Variants in ZFYVE26 observed in about 807,000 individuals in gnomAD.
ZFYVE26 encodes the protein zinc finger FYVE domain-containing protein 26.
In ZFYVE26, 181 loss-of-function variants were observed where a neutral mutation model predicts 276.5. The observed-to-expected ratio is 0.65, with a 90% confidence interval of 0.58 to 0.74. The LOEUF (loss-of-function observed/expected upper bound fraction) is 0.74, where lower values mean the gene tolerates loss of function less well. Ranked by LOEUF, ZFYVE26 falls within the 30% of genes least tolerant of loss-of-function variation. The pLI, the probability that ZFYVE26 is intolerant of heterozygous loss-of-function variation, is 0.00. For missense variants in ZFYVE26, 2,821 were observed against 3,097.9 expected (o/e 0.91, Z 2.12); for synonymous variants, 1,129 against 1,203.1 (o/e 0.94, Z 1.27).
intron 23 of ZFYVE26, 170 bp from the exon 24 acceptor site, chr14:67,778,418 AC>A: frequency 1.3e-6 from 1 of 784,836 alleles, no homozygotes; most frequent in Non-Finnish European, 2.0e-6. Context: ...TCTTAGCACT[AC>A]CATAAAAAAA....
At chr14:67,779,185 T>C (rs1416745479) in intron 23 of ZFYVE26, among the ~76,000 whole-genome samples, 1 of 152,186 alleles carries the variant, frequency 6.6e-6, no homozygotes, top group Non-Finnish European at 1.5e-5. Flanking sequence ...TGAACAGATA[T>C]TCAAATTTAT....
chr14:67,809,129 T>G, intron 4 of ZFYVE26, 71 bp downstream of exon 4: 1 of 1,321,330 alleles, frequency 7.6e-7, no homozygotes, highest in Non-Finnish European at 1.1e-6. Context: ...CTCTCTCTTC[T>G]GGGTCCATGG....
chr14:67,810,293 C>A (rs1242252967), intron 3 of ZFYVE26, among the ~76,000 whole-genome samples: 2 of 152,296 alleles, frequency 1.3e-5, no homozygotes, highest in East Asian at 1.9e-4. Context: ...GTATGGCCCA[C>A]ATGATCCTCT....
At chr14:67,740,249 GTTAC>G (rs1163937477) in intron 13 of ZFYVE26, among the ~76,000 whole-genome samples, 1 of 151,980 alleles carries the variant, frequency 6.6e-6, no homozygotes, top group African/African-American at 2.4e-5. Context: ...AATGACAGCA[GTTAC>G]TTAAAGGATT....
In ZFYVE26 at chr14:67,815,837, G is replaced by A; in HGVS notation, c.127C>T (p.Gln43Ter). ...QACVPQLQEG[Q>*]GDIPKRVEDI... ...TCTACCCTCTTTGGGATATCCCCTT[G>A]TCCCTCCTGTAGCTGAGGTACACAT... The change falls in exon 2 of 42, where the codon CAA (glutamine) becomes TAA (stop). Residue 43 changes from glutamine to a stop codon, truncating the protein, a stop_gained. Coordinates refer to ENST00000347230, the MANE Select transcript of ZFYVE26 (RefSeq NM_015346.4). LOFTEE classifies it high-confidence loss of function. 6.2e-7 allele frequency: 1 copy of A among 1,614,082 alleles called. No individual in the cohort carries two copies.
At chr14:67,802,005 A>G (rs2040086713) in intron 10 of ZFYVE26, 74 bp downstream of exon 10, 1 of 1,528,508 alleles carries the variant, frequency 6.5e-7, no homozygotes, top group Admixed American at 1.7e-5. Context: ...TTGGTGGAAG[A>G]GGGTAAACAC....
chr14:67,766,467 G>A lies in ZFYVE26; in HGVS notation c.5791-20C>T. The A allele has an allele frequency of 1.2e-6, 2 of 1,610,554 alleles. No homozygotes were observed. Among genetic ancestry groups the A allele is most frequent in the Non-Finnish European group, 8.5e-7 (1 of 1,178,536 alleles). Reference sequence around the variant, plus strand: ...GGGGGCCTGGCCGGGGTGGAAGAAGGGAGAACACACGGTGAGTCCAGGGGC... The same window carrying A: ...GGGGGCCTGGCCGGGGTGGAAGAAGAGAGAACACACGGTGAGTCCAGGGGC... On this transcript the variant is annotated intron_variant, in intron 31 of 41. Transcript: ENST00000347230.
At chr14:67,767,631 C>T in intron 31 of ZFYVE26, 73 bp downstream of exon 31, 4 of 1,604,588 alleles carry the variant, frequency 2.5e-6, no homozygotes, top group Non-Finnish European at 3.4e-6. Flanking sequence ...TGTTCACCTA[C>T]CTCTGTATTT....
chr14:67,809,434 TTATTTTG>T (rs1265857674), intron 3 of ZFYVE26, 145 bp from the exon 4 acceptor site: 2 of 568,928 alleles, frequency 3.5e-6, no homozygotes, highest in African/African-American at 4.6e-5. Flanking sequence ...TTTTTTTTTT[TTATTTTG>T]AGACAGAGTC....
intron 41 of ZFYVE26, 58 bp downstream of exon 41, chr14:67,750,994 G>A: frequency 1.9e-6 from 3 of 1,604,634 alleles, no homozygotes; most frequent in Non-Finnish European, 2.6e-6. Flanking sequence ...AAGGTGACTA[G>A]GCAAGCCTGA....
chr14:67,734,780 C>T (rs1349913918), intron 13 of ZFYVE26, among the ~76,000 whole-genome samples: 4 of 152,326 alleles, frequency 2.6e-5, no homozygotes, highest in South Asian at 2.1e-4. Context: ...AGACACTCTT[C>T]CCCTTGAGTT....
downstream of ZFYVE26, among the ~76,000 whole-genome samples, chr14:67,744,526 C>G (rs941236789): frequency 6.6e-6 from 1 of 152,160 alleles, no homozygotes; most frequent in Admixed American, 6.5e-5. Flanking sequence ...GTTTTAAGCC[C>G]TGCACGCATT....
At chr14:67,763,465 T>C (rs112142035) in intron 32 of ZFYVE26, among the ~76,000 whole-genome samples, 2 of 152,362 alleles carry the variant, frequency 1.3e-5, no homozygotes, top group African/African-American at 4.8e-5. Context: ...ACTTTTTCTA[T>C]ATTTAGATAC....
At chr14:67,804,440 G>T (rs2040137220) in intron 8 of ZFYVE26, among the ~76,000 whole-genome samples, 176 bp from the exon 9 acceptor site, 1 of 152,128 alleles carries the variant, frequency 6.6e-6, no homozygotes, top group South Asian at 2.1e-4. Context: ...TTTACCCTCA[G>T]GGAAGTACAT....
At chr14:67,728,930 G>A (rs1169525937) in intron 14 of ZFYVE26, among the ~76,000 whole-genome samples, 1 of 152,114 alleles carries the variant, frequency 6.6e-6, no homozygotes, top group Admixed American at 6.5e-5. Context: ...TAAAGCCACA[G>A]TATAAAAACG....
intron 35 of ZFYVE26, among the ~76,000 whole-genome samples, chr14:67,757,101 A>G (rs1000117773): frequency 2.6e-5 from 4 of 152,076 alleles, no homozygotes; most frequent in Non-Finnish European, 5.9e-5. Context: ...GAATCTGGCC[A>G]CTTCCCACCA....
At chr14:67,809,074 G>A (rs1243276649) in intron 4 of ZFYVE26, 126 bp downstream of exon 4, 2 of 835,646 alleles carry the variant, frequency 2.4e-6, no homozygotes, top group Non-Finnish European at 4.1e-6. Flanking sequence ...AGGAGCTTCT[G>A]TGTTGCCTTG....
chr14:67,766,932 G>A (rs2039075563), intron 31 of ZFYVE26, among the ~76,000 whole-genome samples: 1 of 152,106 alleles, frequency 6.6e-6, no homozygotes, highest in East Asian at 1.9e-4. Context: ...TCAAACTCCT[G>A]GGCTCAAGCG....
chr14:67,790,065 A>G (rs2039769410), intron 15 of ZFYVE26, among the ~76,000 whole-genome samples: 5 of 152,250 alleles, frequency 3.3e-5, no homozygotes, highest in Admixed American at 3.3e-4. Flanking sequence ...TAGGCCAGTA[A>G]GAGTTGTGAA....
Sources: gnomAD v4.1 joint callset for allele counts (sites outside exome capture counted in the v4.1 genomes callset) on GRCh38, gnomAD v4.1.1 for gene constraint, MANE v1.5 for transcripts, NCBI Gene and HGNC (gene_info 2026-07-23, HGNC 2026-07-21) for gene names.